Variants in PDE1A observed in about 807,000 individuals in gnomAD.
PDE1A encodes the protein phosphodiesterase 1A, also known as dual specificity calcium/calmodulin-dependent 3',5'-cyclic nucleotide phosphodiesterase 1A.
In PDE1A, 35 loss-of-function variants were observed where a neutral mutation model predicts 61.7. That is an observed-to-expected ratio of 0.57 (90% CI 0.43 to 0.75). PDE1A has a LOEUF of 0.75. PDE1A is among the 30% of genes least tolerant of loss of function. The pLI is 0.00. For missense variants in PDE1A, 597 were observed against 630.6 expected, an observed-to-expected ratio of 0.95 and a Z score of 0.57; for synonymous variants, 232 against 213.2, an observed-to-expected ratio of 1.09 and a Z score of -0.77.
chr2:182,516,273 A>G (rs1690142026), intron 2 of PDE1A, among the ~76,000 whole-genome samples: 1 of 151,878 alleles, frequency 6.6e-6, no homozygotes, highest in Admixed American at 6.6e-5. Flanking sequence ...GCCCACTTTC[A>G]CCATCTTCAA....
intron 3 of PDE1A, among the ~76,000 whole-genome samples, chr2:182,237,987 G>C (rs1051394703): frequency 6.6e-6 from 1 of 152,086 alleles, no homozygotes; most frequent in East Asian, 1.9e-4. Flanking sequence ...ACAGGAACTA[G>C]GCTGGGCACG....
chr2:182,709,757 G>A, the PDE1A span, among the ~76,000 whole-genome samples: 130 of 152,272 alleles, frequency 8.5e-4, no homozygotes, highest in African/African-American at 3.0e-3. Context: ...CACTGAGACT[G>A]GCAAGGCCTT....
chr2:182,366,144 T>G (rs1238296665), intron 1 of PDE1A, among the ~76,000 whole-genome samples: 1 of 152,066 alleles, frequency 6.6e-6, no homozygotes, highest in Non-Finnish European at 1.5e-5. Context: ...TCTAGAGTCA[T>G]TTTAAAAATT....
chr2:182,357,660 G>C (rs1238988075), intron 1 of PDE1A, among the ~76,000 whole-genome samples: 1 of 152,062 alleles, frequency 6.6e-6, no homozygotes, highest in Non-Finnish European at 1.5e-5. Flanking sequence ...TCAAATCCCA[G>C]CAGGAATAAT....
At chr2:182,418,580 T>C (rs1703069600) in intron 1 of PDE1A, among the ~76,000 whole-genome samples, 1 of 152,150 alleles carries the variant, frequency 6.6e-6, no homozygotes, top group Non-Finnish European at 1.5e-5. Context: ...CGGAATGAAC[T>C]GCAGATGGAG....
intron 10 of PDE1A, among the ~76,000 whole-genome samples, chr2:182,191,878 A>G (rs1685728045): frequency 6.7e-6 from 1 of 148,892 alleles, no homozygotes; most frequent in Non-Finnish European, 1.5e-5. Context: ...TTTTTTTGAG[A>G]CAGTTTCGCT....
the PDE1A span, among the ~76,000 whole-genome samples, chr2:182,562,279 T>G: frequency 6.6e-6 from 1 of 151,944 alleles, no homozygotes; most frequent in African/African-American, 2.4e-5. Flanking sequence ...TGTTGAATTT[T>G]GTCAAAGGCC....
chr2:182,493,723 C>T (rs997863926), intron 2 of PDE1A, among the ~76,000 whole-genome samples: 2 of 152,190 alleles, frequency 1.3e-5, no homozygotes, highest in African/African-American at 4.8e-5. Context: ...GGCACATATA[C>T]ACGACCGAAT....
At chr2:182,397,920 A>C (rs1376012871) in intron 1 of PDE1A, among the ~76,000 whole-genome samples, 1 of 152,128 alleles carries the variant, frequency 6.6e-6, no homozygotes, top group Admixed American at 6.5e-5. Context: ...GATGAAATTA[A>C]CTTGCATAAA....
At chr2:182,402,056 C>T (rs1279711871) in intron 1 of PDE1A, among the ~76,000 whole-genome samples, 2 of 152,142 alleles carry the variant, frequency 1.3e-5, no homozygotes, top group Non-Finnish European at 2.9e-5. Flanking sequence ...ATTCCATGCT[C>T]ATGAATAGAA....
rs372004440 is a variant in PDE1A, at chr2:182,168,114, T to C, written c.*133A>G. 25 of 1,404,804 alleles carry C rather than the reference T, an allele frequency of 1.8e-5. No homozygotes were observed. The South Asian group carries it at 1.9e-4, about 10-fold the overall frequency. The allele number at this position is 1,404,804 out of a possible 1,614,324, so 87.0% of individuals were successfully genotyped here. ...TTATTTATGTGGCTCATGATGCTTATTGAGCAATCTGCAAAAATAGATTTC... is the reference window on the plus strand; with the variant it reads ...TTATTTATGTGGCTCATGATGCTTACTGAGCAATCTGCAAAAATAGATTTC... On this transcript the variant is annotated 3_prime_UTR_variant, in exon 14 of 14. Transcript: ENST00000351439.
chr2:182,141,128 T>C (rs996541364), exon 15 of PDE1A: 1 of 152,154 alleles, frequency 6.6e-6, no homozygotes, highest in South Asian at 2.1e-4. Context: ...AAAGTGGATA[T>C]GCTTCCTATG....
chr2:182,178,354 A>G (rs1054583380), intron 13 of PDE1A, among the ~76,000 whole-genome samples: 1 of 152,158 alleles, frequency 6.6e-6, no homozygotes, highest in African/African-American at 2.4e-5. Context: ...TGAAGGTGCC[A>G]TTCAAATTGG....
At chr2:182,708,343 T>C in the PDE1A span, among the ~76,000 whole-genome samples, 142 of 152,118 alleles carry the variant, frequency 9.3e-4, 1 homozygote, top group African/African-American at 3.3e-3. Context: ...CAATAAGTTA[T>C]TATGTTATTA....
intron 13 of PDE1A, among the ~76,000 whole-genome samples, chr2:182,157,118 G>A (rs1347894057): frequency 6.6e-6 from 1 of 151,022 alleles, no homozygotes; most frequent in Non-Finnish European, 1.5e-5. Flanking sequence ...GGGTTCAATC[G>A]ATTCTCCTGG....
intron 2 of PDE1A, among the ~76,000 whole-genome samples, chr2:182,438,761 A>G (rs1421212438): frequency 1.3e-5 from 2 of 152,044 alleles, no homozygotes; most frequent in Admixed American, 1.3e-4. Context: ...AGACCAAATT[A>G]TATATGCCAT....
chr2:182,309,709 T>C (rs1695837883), intron 1 of PDE1A, among the ~76,000 whole-genome samples: 1 of 152,100 alleles, frequency 6.6e-6, no homozygotes, highest in South Asian at 2.1e-4. Flanking sequence ...AACCTTATTT[T>C]TCAGATATAT....
chr2:182,674,483 T>A, the PDE1A span, among the ~76,000 whole-genome samples: 1 of 152,118 alleles, frequency 6.6e-6, no homozygotes, highest in African/African-American at 2.4e-5. Flanking sequence ...AAAGCCAGTA[T>A]CATCCCTACC....
At chr2:182,447,075 C>T (rs551236569) in intron 2 of PDE1A, among the ~76,000 whole-genome samples, 12 of 151,542 alleles carry the variant, frequency 7.9e-5, no homozygotes, top group Admixed American at 2.0e-4. Flanking sequence ...TTCAAAAGGA[C>T]GGCCACTGGG....
Sources: allele counts gnomAD v4.1 joint callset (sites outside exome capture counted in the v4.1 genomes callset), GRCh38; gene constraint gnomAD v4.1.1; transcripts MANE v1.5; gene names NCBI Gene and HGNC (gene_info 2026-07-23, HGNC 2026-07-21).